The following XRN2 variants were observed in gnomAD, a reference collection of about 807,000 sequenced individuals.
The protein encoded by XRN2 is DHM1-like protein.
A neutral mutation model predicts 138.5 loss-of-function variants in XRN2; 44 were observed. That is an observed-to-expected ratio of 0.32 (90% CI 0.25 to 0.41). The LOEUF is 0.41. Ranked by LOEUF, XRN2 falls within the 10% of genes least tolerant of loss-of-function variation. XRN2 has a pLI of 1.00. For missense variants in XRN2, 937 were observed against 1,169.3 expected (o/e 0.80, Z 2.90); for synonymous variants, 354 against 369.4 (o/e 0.96, Z 0.48).
intron 24 of XRN2, among the ~76,000 whole-genome samples, chr20:21,359,460 C>G (rs1240543069): frequency 6.6e-6 from 1 of 150,968 alleles, no homozygotes; most frequent in Non-Finnish European, 1.5e-5. Context: ...CGCTTGAACC[C>G]AGGAGGCCGA....
chr20:21,339,567 C>T (rs1385213763), intron 14 of XRN2, among the ~76,000 whole-genome samples: 4 of 152,178 alleles, frequency 2.6e-5, no homozygotes, highest in Admixed American at 1.3e-4. Context: ...GAATTCCAGC[C>T]GTCCAGCACA....
At chr20:21,368,161 GACAAA>G (rs766998491) in intron 26 of XRN2, among the ~76,000 whole-genome samples, 1 of 152,016 alleles carries the variant, frequency 6.6e-6, no homozygotes, top group Non-Finnish European at 1.5e-5. Context: ...GATCCTTAAG[GACAAA>G]ACTGAAACAT....
At chr20:21,361,376 G>C (rs1304884663) in intron 24 of XRN2, among the ~76,000 whole-genome samples, 1 of 152,196 alleles carries the variant, frequency 6.6e-6, no homozygotes, top group Non-Finnish European at 1.5e-5. Flanking sequence ...AGCTGGTCTG[G>C]TACATAAAAG....
chr20:21,332,201 T>C (rs2038221727), intron 8 of XRN2, 82 bp from the exon 9 acceptor site: 9 of 1,498,742 alleles, frequency 6.0e-6, no homozygotes, highest in African/African-American at 1.4e-5. Flanking sequence ...CTTTTCTTTG[T>C]GTTGGCATCT....
chr20:21,338,274 G>C (rs1360139686), intron 13 of XRN2, among the ~76,000 whole-genome samples: 5 of 152,126 alleles, frequency 3.3e-5, no homozygotes, highest in Non-Finnish European at 5.9e-5. Flanking sequence ...ACTTGGGCAT[G>C]GTTATGGGAG....
chr20:21,309,393 G>C (rs1025419639), intron 1 of XRN2, among the ~76,000 whole-genome samples: 2 of 152,100 alleles, frequency 1.3e-5, no homozygotes, highest in Non-Finnish European at 2.9e-5. Flanking sequence ...AGCTTTTTTA[G>C]TTTGTATCTT....
intron 13 of XRN2, among the ~76,000 whole-genome samples, chr20:21,336,310 A>G (rs1338220371): frequency 6.6e-6 from 1 of 152,054 alleles, no homozygotes; most frequent in Non-Finnish European, 1.5e-5. Flanking sequence ...AAATACAAAA[A>G]TTTAAGCTGG....
chr20:21,336,391 G>A (rs2038293750), intron 13 of XRN2, among the ~76,000 whole-genome samples: 1 of 152,182 alleles, frequency 6.6e-6, no homozygotes, highest in Admixed American at 6.5e-5. Flanking sequence ...GAACCCAAGA[G>A]GTGGAGGCTG....
chr20:21,353,859 A>AAT (rs1228692194), intron 20 of XRN2, among the ~76,000 whole-genome samples: 1 of 152,078 alleles, frequency 6.6e-6, no homozygotes, highest in Non-Finnish European at 1.5e-5. Flanking sequence ...ACCTTGGAAT[A>AAT]ATTAATTAAG....
intron 20 of XRN2, among the ~76,000 whole-genome samples, chr20:21,354,416 T>A (rs2038550740): frequency 6.6e-6 from 1 of 152,154 alleles, no homozygotes; most frequent in Non-Finnish European, 1.5e-5. Flanking sequence ...AAGGACACAC[T>A]CAAGCCCTAG....
At position 21,386,941 on chromosome 20, in the gene XRN2, C is replaced by G. The variant is rs1384869657; in HGVS notation, c.2722C>G (p.Gln908Glu). The change falls in exon 29 of 30, where the codon CAG becomes GAG. Residue 908 changes from glutamine to glutamate, a missense_variant. By Grantham distance (29) the Gln-to-Glu change is conservative. This residue lies in a region of XRN2 where 372 missense variants were observed against 414.4 expected (regional missense o/e 0.90). Coordinates refer to ENST00000377191, the MANE Select transcript of XRN2 (RefSeq NM_012255.5). ...QTQNAAFQPN[Q>E]YQMLAGPGGY... ...CCAGAATGCAGCCTTCCAGCCAAAC[C>G]AGTACCAGATGCTAGCTGGGCCTGG... is the stretch of plus-strand genomic sequence containing the variant. 1.2e-6 allele frequency: 2 copies of G among 1,614,036 alleles called. No homozygotes were observed. The highest frequency in any genetic ancestry group is 1.7e-6 in the Non-Finnish European group (2 of 1,179,904).
intron 15 of XRN2, 77 bp downstream of exon 15, chr20:21,340,929 A>G (rs1215032217): frequency 1.3e-6 from 2 of 1,511,568 alleles, no homozygotes; most frequent in African/African-American, 2.8e-5. Flanking sequence ...GTGTGTGTGA[A>G]ATTTATCACA....
intron 16 of XRN2, among the ~76,000 whole-genome samples, chr20:21,345,755 G>T (rs940146876): frequency 1.2e-4 from 18 of 152,160 alleles, no homozygotes; most frequent in Non-Finnish European, 2.2e-4. Flanking sequence ...ATGTTTGTGT[G>T]TGTGTATGTA....
At chr20:21,372,659 CAT>C (rs1294306643) in intron 27 of XRN2, among the ~76,000 whole-genome samples, 2 of 152,054 alleles carry the variant, frequency 1.3e-5, no homozygotes, top group Non-Finnish European at 2.9e-5. Context: ...TGTATTTTTA[CAT>C]ATAGTTTTTT....
intron 27 of XRN2, among the ~76,000 whole-genome samples, chr20:21,376,627 C>T (rs1481783863): frequency 6.6e-6 from 1 of 152,130 alleles, no homozygotes; most frequent in Non-Finnish European, 1.5e-5. Flanking sequence ...CTGAACTACA[C>T]TGGCAGAGTG....
At chr20:21,355,079 T>C (rs922054229) in intron 21 of XRN2, among the ~76,000 whole-genome samples, 40 of 152,234 alleles carry the variant, frequency 2.6e-4, no homozygotes. Flanking sequence ...ATGTTTTAAC[T>C]TACAAGTATT....
intron 8 of XRN2, 30 bp from the exon 9 acceptor site, chr20:21,332,253 T>A: frequency 6.2e-7 from 1 of 1,600,540 alleles, no homozygotes; most frequent in Non-Finnish European, 8.5e-7. Flanking sequence ...ATACTCACTG[T>A]TCGATGTTTT....
chr20:21,347,354 G>A (rs2038449347), intron 17 of XRN2, among the ~76,000 whole-genome samples: 1 of 152,194 alleles, frequency 6.6e-6, no homozygotes, highest in African/African-American at 2.4e-5. Flanking sequence ...TCAGATTGGT[G>A]AGAGATTAGG....
chr20:21,318,103 T>A (rs912779583), intron 1 of XRN2, among the ~76,000 whole-genome samples: 1 of 152,212 alleles, frequency 6.6e-6, no homozygotes, highest in Non-Finnish European at 1.5e-5. Flanking sequence ...TGCTTTAACT[T>A]GTTATGGGTT....
Sources: allele counts gnomAD v4.1 joint callset (sites outside exome capture counted in the v4.1 genomes callset), GRCh38; gene constraint gnomAD v4.1.1; regional missense constraint gnomAD v4.1.1; transcripts MANE v1.5; gene names NCBI Gene and HGNC (gene_info 2026-07-23, HGNC 2026-07-21).